Variants in ACBD5 observed in about 807,000 individuals in gnomAD.
The protein encoded by ACBD5 is acyl-CoA binding domain containing 5.
ACBD5 carries 40 observed loss-of-function variants against 71.8 expected under a neutral mutation model. That is an observed-to-expected ratio of 0.56 (90% confidence interval 0.43 to 0.72). ACBD5 has a LOEUF of 0.72. Ranked by LOEUF, ACBD5 falls within the 30% of genes least tolerant of loss-of-function variation. The probability of loss-of-function intolerance (pLI) is 0.00; values close to 1 mark genes in which losing one functional copy is unlikely to be tolerated. For missense variants in ACBD5, 559 were observed against 644.5 expected, an observed-to-expected ratio of 0.87 and a Z score of 1.44; for synonymous variants, 229 against 218.6, an observed-to-expected ratio of 1.05 and a Z score of -0.42.
chr10:27,223,931 A>G (rs993317684), intron 4 of ACBD5, among the ~76,000 whole-genome samples: 8 of 151,932 alleles, frequency 5.3e-5, no homozygotes, highest in Admixed American at 3.3e-4. Context: ...AAATAAAATA[A>G]AAGGAATCCT....
chr10:27,189,666 A>G lies in ACBD5; in HGVS notation c.1494-6951T>C, dbSNP rs1468670677. Among the ~76,000 whole-genome samples, 11 of 150,442 alleles carry G rather than the reference A, an allele frequency of 7.3e-5. No individual in the cohort carries two copies. The East Asian group carries it at 1.7e-3, about 24-fold the overall frequency. On this transcript the variant is annotated intron_variant, in intron 13 of 13. Coordinates refer to the ACBD5 transcript ENST00000676511. Reference sequence around the variant, plus strand: ...AGCATTAGGAGATATACCTAATGTAAATGACGAGTTAATGGGTGCAGCACA... The same window carrying G: ...AGCATTAGGAGATATACCTAATGTAGATGACGAGTTAATGGGTGCAGCACA...
intron 12 of ACBD5, among the ~76,000 whole-genome samples, chr10:27,197,873 T>C (rs2059514012): frequency 6.6e-6 from 1 of 152,134 alleles, no homozygotes; most frequent in Admixed American, 6.6e-5. Context: ...TCAGGTGATC[T>C]ACCCACCTCA....
chr10:27,226,272 C>T (rs902678050), intron 4 of ACBD5, among the ~76,000 whole-genome samples: 1 of 151,952 alleles, frequency 6.6e-6, no homozygotes, highest in African/African-American at 2.4e-5. Flanking sequence ...AAACACAGTA[C>T]CCAATAGGAA....
intron 12 of ACBD5, among the ~76,000 whole-genome samples, chr10:27,202,720 G>A (rs2060046639): frequency 2.0e-5 from 3 of 151,626 alleles, no homozygotes; most frequent in South Asian, 2.1e-4. Context: ...TTTCTACAAC[G>A]GAAACATGAA....
At chr10:27,219,325 A>AG (rs386371003) in intron 6 of ACBD5, among the ~76,000 whole-genome samples, 6 of 151,314 alleles carry the variant, frequency 4.0e-5, no homozygotes, top group Admixed American at 3.3e-4. Flanking sequence ...ACAAAAAAAA[A>AG]ACACTATGCC....
chr10:27,227,558 TG>T (rs2063245593), intron 4 of ACBD5, among the ~76,000 whole-genome samples: 1 of 152,152 alleles, frequency 6.6e-6, no homozygotes, highest in African/African-American at 2.4e-5. Context: ...AACTGGCATT[TG>T]TTTTTTCCCT....
intron 12 of ACBD5, among the ~76,000 whole-genome samples, chr10:27,201,956 A>T (rs76582504): frequency 0.039 from 6,008 of 152,230 alleles, 146 homozygotes; most frequent in African/African-American, 0.067. Context: ...CTCAACACAC[A>T]TTTATTGAGC....
At chr10:27,191,988 T>C (rs1287273006), downstream of ACBD5, among the ~76,000 whole-genome samples, 1 of 152,010 alleles carries the variant, frequency 6.6e-6, no homozygotes, top group Non-Finnish European at 1.5e-5. Context: ...AATAATAAGA[T>C]ACAGCAGAAA....
chr10:27,214,609 G>A (rs2061436050), intron 8 of ACBD5, among the ~76,000 whole-genome samples: 1 of 152,004 alleles, frequency 6.6e-6, no homozygotes, highest in African/African-American at 2.4e-5. Flanking sequence ...TTGAGAAAAA[G>A]GATTCATGGA....
chr10:27,231,791 G>A lies in ACBD5; in HGVS notation c.332C>T (p.Thr111Ile). ...ATATGCAATCATGGCTTCCTCTTTG[G>A]TCATATCACCCAGTGAACTCCAAGC... ...WDAWSSLGDM[T>I]KEEAMIAYVE... The change falls in exon 4 of 13, where the codon ACC becomes ATC. Residue 111 changes from threonine (T) to isoleucine (I), a missense_variant. By Grantham distance (89) the Thr-to-Ile change is moderately conservative. Coordinates refer to ENST00000396271, the MANE Select transcript of ACBD5 (RefSeq NM_145698.5). The A allele has an allele frequency of 6.2e-7, 1 of 1,613,518 alleles. No individual in the cohort carries two copies. Among genetic ancestry groups the A allele is most frequent in the Non-Finnish European group, 8.5e-7 (1 of 1,179,892 alleles).
downstream of ACBD5, chr10:27,193,367 A>C (rs2136382017): frequency 6.6e-6 from 1 of 152,146 alleles, no homozygotes; most frequent in South Asian, 2.1e-4. Flanking sequence ...CGGAGGTTGC[A>C]GTGAGCCGAG....
At chr10:27,241,494 G>A (rs1442413443), upstream of ACBD5, among the ~76,000 whole-genome samples, 1 of 152,072 alleles carries the variant, frequency 6.6e-6, no homozygotes, top group Non-Finnish European at 1.5e-5. Flanking sequence ...GGGCTGGGAC[G>A]GAGGGCAACT....
chr10:27,239,622 T>C (rs1369846938), intron 2 of ACBD5, among the ~76,000 whole-genome samples: 3 of 152,216 alleles, frequency 2.0e-5, no homozygotes, highest in Non-Finnish European at 4.4e-5. Flanking sequence ...TAGAAATTAC[T>C]TCACAATTGA....
At chr10:27,208,755 T>C (rs370222683) in intron 9 of ACBD5, among the ~76,000 whole-genome samples, 1 of 152,090 alleles carries the variant, frequency 6.6e-6, no homozygotes, top group East Asian at 1.9e-4. Flanking sequence ...GGAGAATTGT[T>C]TGAACCCTGG....
intron 13 of ACBD5, among the ~76,000 whole-genome samples, chr10:27,189,004 G>A (rs543218455): frequency 2.0e-5 from 3 of 152,278 alleles, no homozygotes; most frequent in Admixed American, 6.5e-5. Context: ...GAAAGCTCTC[G>A]CCATCCCCCT....
At chr10:27,240,921 G>C (rs1386808752), upstream of ACBD5, 3 of 627,618 alleles carry the variant, frequency 4.8e-6, no homozygotes, top group Non-Finnish European at 8.3e-6. This position sits in a 1 kb window ranked among gnomAD's most constrained non-coding sequence, Gnocchi z 4.1. Flanking sequence ...GCAAGGACGC[G>C]CGCGGTCCGT....
At chr10:27,231,562 T>C (rs1023083947) in intron 4 of ACBD5, among the ~76,000 whole-genome samples, 186 bp downstream of exon 4, 1 of 152,154 alleles carries the variant, frequency 6.6e-6, no homozygotes, top group Non-Finnish European at 1.5e-5. Flanking sequence ...GTGTGATATA[T>C]CTTAGGGAAA....
rs749246429 is a variant in ACBD5, at chr10:27,210,821, T to C, written c.1197A>G (p.Arg399=). The C allele has an allele frequency of 3.7e-6, 6 of 1,614,186 alleles. No homozygotes were observed. Among genetic ancestry groups the C allele is most frequent in the Non-Finnish European group, 5.1e-6 (6 of 1,180,034 alleles). The part of the protein sequence containing the change: ...GETDEFSNVR[R]GRGHRMQHLS... ...AAAAAAGGTAATCCACACCTCTTCC[T>C]CTTCTAACATTAGAGAATTCGTCAG... The change falls in exon 9 of 13, where the codon AGA becomes AGG. Residue 399 remains arginine (R), a synonymous_variant. Coordinates refer to ENST00000396271, the MANE Select transcript of ACBD5 (RefSeq NM_145698.5).
chr10:27,241,710 A>T (rs2065514651), upstream of ACBD5, among the ~76,000 whole-genome samples: 1 of 149,010 alleles, frequency 6.7e-6, no homozygotes, highest in African/African-American at 2.4e-5. Flanking sequence ...CTATTTAAGA[A>T]ACCAATAATT....
Sources: gnomAD v4.1 joint callset for allele counts (sites outside exome capture counted in the v4.1 genomes callset) on GRCh38, gnomAD v4.1.1 for gene constraint, Gnocchi (gnomAD v3.1) non-coding constraint, MANE v1.5 for transcripts, NCBI Gene and HGNC (gene_info 2026-07-23, HGNC 2026-07-21) for gene names.